Variants in CDH8 observed in about 807,000 individuals in gnomAD.
The protein encoded by CDH8 is cadherin 8, also known as cadherin-8.
A neutral mutation model predicts 68.1 loss-of-function variants in CDH8; 17 were observed. That is an observed-to-expected ratio of 0.25 (90% CI 0.17 to 0.37). The LOEUF is 0.37. CDH8 is among the 10% of genes least tolerant of loss of function. The pLI is 1.00. For missense variants in CDH8, 763 were observed against 999.3 expected, an observed-to-expected ratio of 0.76 and a Z score of 3.19; for synonymous variants, 372 against 365.1, an observed-to-expected ratio of 1.02 and a Z score of -0.21.
intron 2 of CDH8, among the ~76,000 whole-genome samples, chr16:62,006,676 A>G (rs972399119): frequency 6.6e-6 from 1 of 152,172 alleles, no homozygotes; most frequent in African/African-American, 2.4e-5. Context: ...ATATACACAT[A>G]CTAAGTACCC....
At position 61,653,412 on chromosome 16, in the gene CDH8, A is replaced by G. The variant is rs1877831322; in HGVS notation, c.*196T>C. On this transcript the variant is annotated 3_prime_UTR_variant, in exon 12 of 12. Coordinates refer to ENST00000577390, the MANE Select transcript of CDH8 (RefSeq NM_001796.5). ...CCACATACTTAATTCACACTCCACA[A>G]GATTTATAACCTCCTAACATATACT... 2 of 1,379,302 alleles carry G rather than the reference A, an allele frequency of 1.5e-6. No individual in the cohort carries two copies. Among genetic ancestry groups the G allele is most frequent in the Non-Finnish European group, 1.9e-6 (2 of 1,071,182 alleles). The allele number at this position is 1,379,302 out of a possible 1,614,324, so 85.4% of individuals were successfully genotyped here. A position where few individuals can be genotyped will look rare whatever the true frequency, so the allele number is the denominator to read the frequency against.
chr16:61,666,880 A>T (rs1479176887), intron 10 of CDH8, among the ~76,000 whole-genome samples: 1 of 152,020 alleles, frequency 6.6e-6, no homozygotes, highest in African/African-American at 2.4e-5. Flanking sequence ...TATTAGAAGG[A>T]TATATGTACA....
At chr16:61,795,412 T>C (rs189071667) in intron 7 of CDH8, among the ~76,000 whole-genome samples, 62 of 152,120 alleles carry the variant, frequency 4.1e-4, no homozygotes, top group Admixed American at 1.6e-3. Context: ...GAATCTCACC[T>C]GGGGGAATAA....
chr16:61,657,988 G>T (rs1048071715), intron 10 of CDH8, among the ~76,000 whole-genome samples: 1 of 152,152 alleles, frequency 6.6e-6, no homozygotes, highest in Non-Finnish European at 1.5e-5. Context: ...GCAGAAGACT[G>T]TTGACTGAGT....
intron 3 of CDH8, among the ~76,000 whole-genome samples, chr16:61,883,216 A>AACC: frequency 6.6e-6 from 1 of 152,156 alleles, no homozygotes; most frequent in Non-Finnish European, 1.5e-5. Flanking sequence ...CCACCAAAAC[A>AACC]AGAGAAACAT....
chr16:61,760,160 G>A (rs1472983039), intron 8 of CDH8, among the ~76,000 whole-genome samples: 1 of 151,896 alleles, frequency 6.6e-6, no homozygotes, highest in African/African-American at 2.4e-5. Context: ...GATGAGAAAT[G>A]GTCTGACCCT....
intron 2 of CDH8, among the ~76,000 whole-genome samples, chr16:61,946,029 C>A (rs751543607): frequency 6.6e-6 from 1 of 151,930 alleles, no homozygotes; most frequent in Non-Finnish European, 1.5e-5. Flanking sequence ...TTCAAAACTG[C>A]TATCTGTCAA....
intron 3 of CDH8, among the ~76,000 whole-genome samples, chr16:61,886,173 T>C (rs1273450965): frequency 1.3e-5 from 2 of 152,202 alleles, no homozygotes; most frequent in Non-Finnish European, 2.9e-5. Context: ...TTTGTTCATA[T>C]TATAGTTTGA....
chr16:61,698,175 A>T (rs1373634088), intron 10 of CDH8, among the ~76,000 whole-genome samples: 2 of 152,198 alleles, frequency 1.3e-5, no homozygotes, highest in African/African-American at 4.8e-5. Flanking sequence ...CAGACTCCAT[A>T]TATTGATTTT....
intron 2 of CDH8, among the ~76,000 whole-genome samples, chr16:61,901,883 T>C (rs952282878): frequency 6.6e-6 from 1 of 152,158 alleles, no homozygotes; most frequent in African/African-American, 2.4e-5. Context: ...ATCCTTTTTA[T>C]TTAAAAAACT....
At chr16:62,020,734 A>G (rs188778082) in intron 2 of CDH8, among the ~76,000 whole-genome samples, 1 of 152,342 alleles carries the variant, frequency 6.6e-6, no homozygotes, top group Admixed American at 6.5e-5. Context: ...ATATATCTGC[A>G]TAGCCTTAAA....
At chr16:61,742,486 T>C (rs565537335) in intron 8 of CDH8, among the ~76,000 whole-genome samples, 14 of 152,278 alleles carry the variant, frequency 9.2e-5, no homozygotes, top group Admixed American at 9.2e-4. Context: ...TATGTTTCTT[T>C]GTAGCTATGT....
chr16:62,002,984 G>A (rs12596230), intron 2 of CDH8, among the ~76,000 whole-genome samples: 68,890 of 151,790 alleles, frequency 0.45, 18,513 homozygotes, highest in East Asian at 0.64. Context: ...ACCGGAAGGC[G>A]GAACTTGCAG....
At position 61,649,035 on chromosome 16, in the gene CDH8, G is replaced by C. The variant is rs963293750; in HGVS notation, c.*4573C>G. On this transcript the variant is annotated 3_prime_UTR_variant, in exon 12 of 12. Coordinates refer to ENST00000577390, the MANE Select transcript of CDH8 (RefSeq NM_001796.5). ...ATAATACATTCAACACTGTTTGGCT[G>C]AGTAACAGTGCAAAGACACTTTTTA... The C allele has an allele frequency of 6.6e-5, 10 of 151,952 alleles. No homozygotes were observed. Among genetic ancestry groups the C allele is most frequent in the African/African-American group, 1.9e-4 (8 of 41,410 alleles). The allele number at this position is 151,952 out of a possible 1,614,324, so 9.4% of individuals were successfully genotyped here. A position where few individuals can be genotyped will look rare whatever the true frequency, so the allele number is the denominator to read the frequency against.
Position 61,923,497 on chromosome 16 carries a change from A to G in CDH8, c.253-22024T>C, listed in dbSNP as rs576681540. The stretch of plus-strand genomic sequence containing the variant: ...CACAAAACATGGGTCTGAAAGCTTC[A>G]GTGTATGACCACAGGAAAGTCAAAT... On this transcript the variant is annotated intron_variant, in intron 2 of 11. Transcript: ENST00000577390. Among the ~76,000 whole-genome samples the G allele has an allele frequency of 1.4e-4, 21 of 152,216 alleles. No homozygotes were observed. The South Asian group carries it at 4.3e-3, about 32-fold the overall frequency.
intron 4 of CDH8, among the ~76,000 whole-genome samples, chr16:61,845,502 TAA>T (rs749345691): frequency 1.5e-4 from 18 of 117,666 alleles, no homozygotes; most frequent in Non-Finnish European, 1.6e-4. Flanking sequence ...TCCAGATATG[TAA>T]AAAAAAAAAA....
chr16:61,973,789 A>C (rs138887581), intron 2 of CDH8, among the ~76,000 whole-genome samples: 317 of 152,356 alleles, frequency 2.1e-3, no homozygotes, highest in African/African-American at 7.3e-3. Flanking sequence ...AAATTGCCTC[A>C]ATATTTATAA....
chr16:61,714,505 G>A (rs1444392683), intron 9 of CDH8, among the ~76,000 whole-genome samples: 1 of 151,528 alleles, frequency 6.6e-6, no homozygotes, highest in East Asian at 1.9e-4. Context: ...TAAAGCTAGT[G>A]GGTAACACAT....
intron 8 of CDH8, among the ~76,000 whole-genome samples, chr16:61,754,547 G>A (rs1017729736): frequency 2.0e-5 from 3 of 151,622 alleles, no homozygotes; most frequent in African/African-American, 4.8e-5. Flanking sequence ...ATTTTGGGGG[G>A]TACATGTGAT....
Sources: gnomAD v4.1 joint callset for allele counts (sites outside exome capture counted in the v4.1 genomes callset) on GRCh38, gnomAD v4.1.1 for gene constraint, MANE v1.5 for transcripts, NCBI Gene and HGNC (gene_info 2026-07-23, HGNC 2026-07-21) for gene names.